TYW3: variants seen among roughly 807,000 people sequenced by gnomAD.
TYW3 encodes tRNA wybutosine-synthesizing protein 3 homolog.
Under a neutral mutation model 23.1 loss-of-function variants are expected in TYW3, and 26 were observed. The ratio of observed to expected loss-of-function variants is 1.13; its 90% CI spans 0.83 to 1.56. The LOEUF (loss-of-function observed/expected upper bound fraction) is 1.56. TYW3 is among the 40% of genes most tolerant of loss of function. The pLI is 0.00. For synonymous variants in TYW3, 102 were observed against 105.7 expected (o/e 0.97, Z 0.21); for missense variants, 316 against 311.9 (o/e 1.01, Z -0.10).
At chr1:74,752,675 A>C (rs1648827172) in intron 5 of TYW3, among the ~76,000 whole-genome samples, 1 of 152,156 alleles carries the variant, frequency 6.6e-6, no homozygotes, top group African/African-American at 2.4e-5. Context: ...TGACCACCAG[A>C]AGCTGGCATA....
At chr1:74,753,856 G>A (rs895386373) in intron 5 of TYW3, among the ~76,000 whole-genome samples, 2 of 152,086 alleles carry the variant, frequency 1.3e-5, no homozygotes, top group Admixed American at 6.6e-5. Context: ...TTCTCCCAAG[G>A]ATTTTATGTA....
In TYW3 at chr1:74,763,817, C is replaced by CT. The variant is rs1404543079; in HGVS notation, c.561-75dup. On this transcript the variant is annotated intron_variant, in intron 5 of 5. Transcript: ENST00000370867. Reference sequence around the variant, plus strand: ...ATGGGACATAGTCAAATTTACATAACTTATAAGCTCTTGGTGTATTTCAGT... The same window carrying CT: ...ATGGGACATAGTCAAATTTACATAACTTTATAAGCTCTTGGTGTATTTCAGT... 4 of 1,128,340 alleles carry CT rather than the reference C, an allele frequency of 3.5e-6. No individual in the cohort carries two copies. In the African/African-American group the frequency reaches 6.3e-5, roughly 18 times the overall value. 69.9% of individuals were successfully genotyped at this position (1,128,340 alleles called of 1,614,324 possible).
In TYW3 at chr1:74,764,303, G is replaced by A. The variant is rs1440910827; in HGVS notation, c.*190G>A. The A allele has an allele frequency of 1.6e-5, 8 of 494,006 alleles. No homozygotes were observed. The highest frequency in any genetic ancestry group is 1.1e-4 in the South Asian group (3 of 27,448). 30.6% of individuals were successfully genotyped at this position (494,006 alleles called of 1,614,324 possible). On this transcript the variant is annotated 3_prime_UTR_variant, in exon 6 of 6. Coordinates refer to ENST00000370867, the MANE Select transcript of TYW3 (RefSeq NM_138467.3). ...GTCATCTAAGCTCTCAGCAGTACCCGGCTTATCCTACGACTTCACCTGAAA... is the reference window on the plus strand; with the variant it reads ...GTCATCTAAGCTCTCAGCAGTACCCAGCTTATCCTACGACTTCACCTGAAA...
intron 3 of TYW3, among the ~76,000 whole-genome samples, chr1:74,746,159 T>C (rs1648562632): frequency 6.6e-6 from 1 of 152,244 alleles, no homozygotes; most frequent in Non-Finnish European, 1.5e-5. Context: ...GGGAGCCATG[T>C]GGACTGAGGA....
chr1:74,744,059 T>A (rs1648460904), intron 3 of TYW3, among the ~76,000 whole-genome samples: 1 of 152,118 alleles, frequency 6.6e-6, no homozygotes, highest in Non-Finnish European at 1.5e-5. Flanking sequence ...CCAGGCGTTT[T>A]TGTGGTCCTT....
Position 74,765,588 on chromosome 1 carries a change from G to T in TYW3, c.*1475G>T, listed in dbSNP as rs996516553. The T allele has an allele frequency of 1.3e-5, 2 of 152,052 alleles. No individual in the cohort carries two copies. The highest frequency in any genetic ancestry group is 2.9e-5 in the Non-Finnish European group (2 of 67,992). 9.4% of individuals were successfully genotyped at this position (152,052 alleles called of 1,614,324 possible). On this transcript the variant is annotated 3_prime_UTR_variant, in exon 6 of 6. Transcript: ENST00000370867. ...TCTTCTAGTCTGGTGGACAGAATAT[G>T]AAAGTATCTGCCTGGCAGTGCAGTA...
In TYW3 at chr1:74,764,094, T is replaced by C; in HGVS notation, c.761T>C (p.Ile254Thr). The C allele has an allele frequency of 1.2e-6, 2 of 1,610,798 alleles. No homozygotes were observed. Among genetic ancestry groups the C allele is most frequent in the Non-Finnish European group, 1.7e-6 (2 of 1,178,998 alleles). ...DDDDLGINVT[I>T]FPEDY Reference sequence around the variant, plus strand: ...GATGATCTAGGAATCAATGTTACCATCTTCCCTGAAGATTACTAAGCTTTG... The same window carrying C: ...GATGATCTAGGAATCAATGTTACCACCTTCCCTGAAGATTACTAAGCTTTG... The change falls in exon 6 of 6, where the codon ATC becomes ACC. Residue 254 changes from isoleucine to threonine, a missense_variant. Ile to Thr is a moderately conservative substitution (Grantham distance 89, BLOSUM62 -1). Coordinates refer to ENST00000370867, the MANE Select transcript of TYW3 (RefSeq NM_138467.3).
In TYW3 at chr1:74,744,340, T is replaced by C. The variant is rs1401443420; in HGVS notation, c.355-4411T>C. The stretch of plus-strand genomic sequence containing the variant: ...AATTTATACTGCCCTCAGGTGGCCA[T>C]TTTTCCCCATCAGAGAGAGAATATT... On this transcript the variant is annotated intron_variant, in intron 3 of 5. Transcript: ENST00000370867. 2.0e-5 allele frequency among the ~76,000 whole-genome samples: 3 copies of C among 151,966 alleles called. No homozygotes were observed. In the South Asian group the frequency reaches 6.2e-4, roughly 32 times the overall value.
intron 5 of TYW3, among the ~76,000 whole-genome samples, chr1:74,753,767 A>G (rs1342925230): frequency 6.6e-6 from 1 of 152,178 alleles, no homozygotes. Context: ...TAAAAATATC[A>G]CCATTCAGGC....
At chr1:74,740,020 G>A (rs1648296374) in intron 3 of TYW3, among the ~76,000 whole-genome samples, 1 of 152,220 alleles carries the variant, frequency 6.6e-6, no homozygotes, top group Non-Finnish European at 1.5e-5. Context: ...GATGGGGTGT[G>A]CTGAAGTTGA....
In TYW3 at chr1:74,759,165, G is replaced by A. The variant is rs911542709; in HGVS notation, c.561-4729G>A. 4.6e-5 allele frequency among the ~76,000 whole-genome samples: 7 copies of A among 152,078 alleles called. No homozygotes were observed. In the South Asian group the frequency reaches 6.2e-4, roughly 14 times the overall value. ...GTCAGATGGTTTAGAGATGGGGTGA[G>A]TACAAGTAGGCTCTTTCTATAGCCT... On this transcript the variant is annotated intron_variant, in intron 5 of 5. Transcript: ENST00000370867.
intron 5 of TYW3, among the ~76,000 whole-genome samples, chr1:74,756,398 G>A (rs1197906649): frequency 1.3e-5 from 2 of 152,184 alleles, no homozygotes; most frequent in South Asian, 2.1e-4. Context: ...CCAGGCTGAT[G>A]TAGTCTCAGA....
intron 4 of TYW3, among the ~76,000 whole-genome samples, chr1:74,749,102 C>T (rs1183310823): frequency 6.6e-6 from 1 of 152,228 alleles, no homozygotes; most frequent in Non-Finnish European, 1.5e-5. Flanking sequence ...AGCACTATGA[C>T]ATCATGGAAA....
chr1:74,735,747 A>G (rs2100752559), intron 1 of TYW3, among the ~76,000 whole-genome samples: 1 of 152,320 alleles, frequency 6.6e-6, no homozygotes, highest in Admixed American at 6.5e-5. Flanking sequence ...GAAGTCATAC[A>G]ATGAAGTCAA....
At position 74,764,067 on chromosome 1, in the gene TYW3, A is replaced by G. The variant is rs1293236128; in HGVS notation, c.734A>G (p.Asp245Gly). 1 of 1,613,192 alleles carries G rather than the reference A, an allele frequency of 6.2e-7. No homozygotes were observed. Among genetic ancestry groups the G allele is most frequent in the East Asian group, 2.2e-5 (1 of 44,860 alleles). Residue 245 changes from aspartate (D) to glycine (G), a missense_variant, in exon 6 of 6, where the codon GAT (aspartate) becomes GGT (glycine). Asp to Gly is a moderately conservative substitution (Grantham distance 94). Coordinates refer to ENST00000370867, the MANE Select transcript of TYW3 (RefSeq NM_138467.3). ...GATGAAGAACTTGAAAATGATGATG[A>G]TGATGATCTAGGAATCAATGTTACC... ...ESDEELENDD[D>G]DDLGINVTIF... is the part of the protein sequence containing the mutation.
chr1:74,733,525 C>T (rs1243888422), intron 1 of TYW3, 107 bp downstream of exon 1: 3 of 1,478,258 alleles, frequency 2.0e-6, no homozygotes, highest in Admixed American at 2.5e-5. Context: ...GTTTGCTCCT[C>T]TGAGGGGTGG....
intron 3 of TYW3, among the ~76,000 whole-genome samples, chr1:74,746,036 G>A (rs1465464259): frequency 6.6e-6 from 1 of 152,232 alleles, no homozygotes; most frequent in African/African-American, 2.4e-5. Flanking sequence ...TCACATTGGA[G>A]GTTAGGGCAT....
intron 5 of TYW3, among the ~76,000 whole-genome samples, chr1:74,756,198 A>C (rs751953134): frequency 1.3e-5 from 2 of 152,210 alleles, no homozygotes; most frequent in Non-Finnish European, 2.9e-5. Context: ...AATTGGTACC[A>C]CTATAGTGGG....
chr1:74,763,812 C>T lies in TYW3; in HGVS notation c.561-82C>T, dbSNP rs1649206309. On this transcript the variant is annotated intron_variant, in intron 5 of 5. Transcript: ENST00000370867. ...CTAATATGGGACATAGTCAAATTTA[C>T]ATAACTTATAAGCTCTTGGTGTATT... 2.8e-6 allele frequency: 3 copies of T among 1,054,166 alleles called. No homozygotes were observed. The Admixed American group carries it at 7.7e-5, about 27-fold the overall frequency. The allele number at this position is 1,054,166 out of a possible 1,614,324, so 65.3% of individuals were successfully genotyped here. A position where few individuals can be genotyped will look rare whatever the true frequency, so the allele number is the denominator to read the frequency against.
Sources: gnomAD v4.1 joint callset for allele counts (sites outside exome capture counted in the v4.1 genomes callset) on GRCh38, gnomAD v4.1.1 for gene constraint, MANE v1.5 for transcripts, NCBI Gene and HGNC (gene_info 2026-07-23, HGNC 2026-07-21) for gene names.